The following RHBDD1 variants were observed in gnomAD, a reference collection of about 807,000 sequenced individuals.
RHBDD1 encodes rhomboid-related protein 4.
In RHBDD1, 38 loss-of-function variants were observed where a neutral mutation model predicts 36.3. The observed-to-expected ratio is 1.05, with a 90% CI of 0.81 to 1.37. The LOEUF (loss-of-function observed/expected upper bound fraction) is 1.37, where lower values mean the gene tolerates loss of function less well. RHBDD1 is among the 40% of genes most tolerant of loss of function. The pLI, the probability that RHBDD1 is intolerant of heterozygous loss-of-function variation, is 0.00. For missense variants in RHBDD1, 393 were observed against 377.6 expected (o/e 1.04, Z -0.34); for synonymous variants, 151 against 136.5 (o/e 1.11, Z -0.74).
intron 3 of RHBDD1, among the ~76,000 whole-genome samples, chr2:226,852,547 C>G (rs1241788943): frequency 6.6e-6 from 1 of 152,026 alleles, no homozygotes; most frequent in African/African-American, 2.4e-5. Context: ...GCTCACAACC[C>G]ATAAGAGGGC....
At chr2:226,832,530 T>G (rs1940768117), upstream of RHBDD1, among the ~76,000 whole-genome samples, 2 of 152,174 alleles carry the variant, frequency 1.3e-5, no homozygotes, top group Non-Finnish European at 2.9e-5. Flanking sequence ...ATTTTCTGCC[T>G]GGTTGTTCTA....
intron 5 of RHBDD1, 146 bp from the exon 6 acceptor site, chr2:226,906,647 G>C: frequency 6.6e-7 from 1 of 1,504,958 alleles, no homozygotes; most frequent in Non-Finnish European, 8.9e-7. Context: ...TTTGGACTGA[G>C]TTAAATGCTG....
rs1485096984 is a variant in RHBDD1, at chr2:226,952,297, T to C, written c.856+37946T>C. Among the ~76,000 whole-genome samples, 18 of 141,688 alleles carry C rather than the reference T, an allele frequency of 1.3e-4. No individual in the cohort carries two copies. The South Asian group carries it at 1.8e-3, about 14-fold the overall frequency. The allele number at this position is 141,688 out of a possible 152,430, so 93.0% of individuals were successfully genotyped here. A position where few individuals can be genotyped will look rare whatever the true frequency, so the allele number is the denominator to read the frequency against. On this transcript the variant is annotated intron_variant, in intron 8 of 8. Coordinates refer to ENST00000392062, the MANE Select transcript of RHBDD1 (RefSeq NM_001167608.3). ...TTTTTGTTTTGTTTTGGTTTGGTTTTTTTTTTTTTTTTTTTTTTGAGAAAG... is the reference window on the plus strand; with the variant it reads ...TTTTTGTTTTGTTTTGGTTTGGTTTCTTTTTTTTTTTTTTTTTTGAGAAAG...
chr2:226,850,029 G>C (rs1942653585), intron 3 of RHBDD1, among the ~76,000 whole-genome samples: 1 of 152,148 alleles, frequency 6.6e-6, no homozygotes, highest in Non-Finnish European at 1.5e-5. Flanking sequence ...TCTGCTTTTT[G>C]GGGAAGCCCA....
chr2:226,890,447 T>C (rs889410580), intron 5 of RHBDD1, among the ~76,000 whole-genome samples: 2 of 152,230 alleles, frequency 1.3e-5, no homozygotes, highest in African/African-American at 4.8e-5. Flanking sequence ...TTAGTATTTC[T>C]TCAGTGTAGT....
chr2:226,971,351 G>A (rs1193631977), intron 8 of RHBDD1, among the ~76,000 whole-genome samples: 1 of 152,226 alleles, frequency 6.6e-6, no homozygotes, highest in East Asian at 1.9e-4. Flanking sequence ...GGTGTCGAAG[G>A]ACGTCTGAAC....
At chr2:226,849,104 G>A (rs1290790545) in intron 3 of RHBDD1, among the ~76,000 whole-genome samples, 1 of 152,150 alleles carries the variant, frequency 6.6e-6, no homozygotes, top group Non-Finnish European at 1.5e-5. Context: ...AGATCATTTA[G>A]TTTGTATAAG....
chr2:226,921,707 A>G (rs1229955229), intron 8 of RHBDD1, among the ~76,000 whole-genome samples: 3 of 152,092 alleles, frequency 2.0e-5, no homozygotes, highest in Non-Finnish European at 2.9e-5. Flanking sequence ...TACTTGATAT[A>G]ATTTCAGTTT....
intron 8 of RHBDD1, among the ~76,000 whole-genome samples, chr2:226,966,075 C>T (rs762541642): frequency 1.4e-4 from 21 of 152,090 alleles, no homozygotes; most frequent in Admixed American, 3.3e-4. Flanking sequence ...GTTCAACATA[C>T]GCAAATCAAT....
intron 5 of RHBDD1, among the ~76,000 whole-genome samples, chr2:226,897,799 T>C (rs560702926): frequency 4.1e-4 from 63 of 152,126 alleles, no homozygotes; most frequent in African/African-American, 1.4e-3. Context: ...GGCGAAACCC[T>C]GTCTCTACTA....
chr2:226,905,807 G>A (rs926093950), intron 5 of RHBDD1, among the ~76,000 whole-genome samples: 5 of 152,202 alleles, frequency 3.3e-5, no homozygotes, highest in African/African-American at 1.2e-4. Context: ...GGGAAGGCTG[G>A]GAGGGGTATG....
chr2:226,860,255 A>C (rs985953318), intron 3 of RHBDD1, among the ~76,000 whole-genome samples: 2 of 152,064 alleles, frequency 1.3e-5, no homozygotes, highest in Non-Finnish European at 2.9e-5. Context: ...TTTGTAAGGT[A>C]AGGGAGCACA....
the RHBDD1 span, chr2:226,807,414 C>A: frequency 2.0e-5 from 3 of 152,110 alleles, no homozygotes; most frequent in African/African-American, 7.2e-5. Flanking sequence ...ACATTAGTTT[C>A]ATAAAAACTA....
At chr2:226,951,312 C>T (rs1250138168) in intron 8 of RHBDD1, among the ~76,000 whole-genome samples, 2 of 151,982 alleles carry the variant, frequency 1.3e-5, no homozygotes, top group South Asian at 2.1e-4. Context: ...TACAATTCAG[C>T]GAATAACAAT....
intron 8 of RHBDD1, among the ~76,000 whole-genome samples, chr2:226,970,059 C>T (rs530442766): frequency 2.1e-5 from 3 of 143,800 alleles, no homozygotes; most frequent in African/African-American, 5.2e-5. Context: ...CATCCCAGCC[C>T]TCTCCCCCCG....
upstream of RHBDD1, among the ~76,000 whole-genome samples, chr2:226,833,582 T>G (rs573202173): frequency 1.8e-4 from 28 of 152,368 alleles, no homozygotes; most frequent in Admixed American, 1.6e-3. Flanking sequence ...AAAGTTAAAA[T>G]TTATTTTATA....
At chr2:226,833,348 T>C (rs1234188474), upstream of RHBDD1, among the ~76,000 whole-genome samples, 1 of 152,230 alleles carries the variant, frequency 6.6e-6, no homozygotes, top group African/African-American at 2.4e-5. Flanking sequence ...TTGCACGCTG[T>C]CGTTGCATGG....
At chr2:226,974,799 A>G (rs568719820) in intron 8 of RHBDD1, among the ~76,000 whole-genome samples, 2 of 152,278 alleles carry the variant, frequency 1.3e-5, no homozygotes, top group East Asian at 3.9e-4. Flanking sequence ...AGAGTCGTGA[A>G]CCATACAGTG....
At chr2:226,908,783 T>C in intron 6 of RHBDD1, 39 bp from the exon 7 acceptor site, 1 of 1,417,692 alleles carries the variant, frequency 7.1e-7, no homozygotes, top group Non-Finnish European at 1.0e-6. Context: ...TTTAAAGCTT[T>C]ATGGCTGCCA....
Sources: gnomAD v4.1 joint callset for allele counts (sites outside exome capture counted in the v4.1 genomes callset) on GRCh38, gnomAD v4.1.1 for gene constraint, MANE v1.5 for transcripts, NCBI Gene and HGNC (gene_info 2026-07-23, HGNC 2026-07-21) for gene names.